The following GALNT13 variants were observed in gnomAD, a reference collection of about 807,000 sequenced individuals.
GALNT13 encodes UDP-GalNAc:polypeptide N-acetylgalactosaminyltransferase 13.
A neutral mutation model predicts 64.2 loss-of-function variants in GALNT13; 28 were observed. That is an observed-to-expected ratio of 0.44 (90% confidence interval 0.32 to 0.60). The LOEUF (loss-of-function observed/expected upper bound fraction) is 0.60, where lower values mean the gene tolerates loss of function less well. Ranked by LOEUF, GALNT13 falls within the 20% of genes least tolerant of loss-of-function variation. GALNT13 has a pLI of 0.05. For missense variants in GALNT13, 577 were observed against 669.8 expected (o/e 0.86, Z 1.53); for synonymous variants, 214 against 224.6 (o/e 0.95, Z 0.42).
chr2:154,372,463 A>G (rs890312006), intron 9 of GALNT13, among the ~76,000 whole-genome samples: 1 of 152,104 alleles, frequency 6.6e-6, no homozygotes, highest in South Asian at 2.1e-4. Flanking sequence ...TCAGATATCT[A>G]TGTACAAATG....
chr2:153,573,529 T>C, the GALNT13 span, among the ~76,000 whole-genome samples: 2 of 151,998 alleles, frequency 1.3e-5, no homozygotes, highest in African/African-American at 4.8e-5. Context: ...TTTCTTCCTG[T>C]CATTCATTAA....
At chr2:154,100,940 T>A (rs868486906) in intron 3 of GALNT13, among the ~76,000 whole-genome samples, 5 of 152,112 alleles carry the variant, frequency 3.3e-5, no homozygotes, top group Non-Finnish European at 7.4e-5. Context: ...ATCAAGTGAT[T>A]TTTTTTATAT....
chr2:153,289,795 A>C, the GALNT13 span, among the ~76,000 whole-genome samples: 1 of 152,166 alleles, frequency 6.6e-6, no homozygotes, highest in South Asian at 2.1e-4. Context: ...CTGGGGTCCA[A>C]CTTAGCACCA....
the GALNT13 span, among the ~76,000 whole-genome samples, chr2:153,206,865 C>T: frequency 2.0e-5 from 3 of 152,020 alleles, no homozygotes; most frequent in Non-Finnish European, 4.4e-5. Flanking sequence ...GTCAATAGTT[C>T]AGTGAACCCC....
At chr2:153,222,345 T>TGGGGGGGGGG in the GALNT13 span, among the ~76,000 whole-genome samples, 4 of 23,204 alleles carry the variant, frequency 1.7e-4, no homozygotes, top group East Asian at 2.5e-3. Context: ...GGGGGGGGGT[T>TGGGGGGGGGG]GGGCTTATAG....
intron 8 of GALNT13, among the ~76,000 whole-genome samples, chr2:154,261,285 G>T (rs917714438): frequency 2.6e-5 from 4 of 152,084 alleles, no homozygotes; most frequent in African/African-American, 9.7e-5. Flanking sequence ...ACTTATCAGT[G>T]ACTATTTTAA....
At chr2:154,341,431 T>A (rs1328708874) in intron 9 of GALNT13, among the ~76,000 whole-genome samples, 2 of 152,056 alleles carry the variant, frequency 1.3e-5, no homozygotes, top group Non-Finnish European at 2.9e-5. Context: ...TGGAATGCAG[T>A]GTTAAAAGAT....
chr2:154,004,443 A>G (rs1464380962), intron 3 of GALNT13, among the ~76,000 whole-genome samples: 1 of 152,100 alleles, frequency 6.6e-6, no homozygotes, highest in Non-Finnish European at 1.5e-5. Flanking sequence ...TGACCTCATG[A>G]TCTGCCTGCT....
chr2:153,208,348 G>T, the GALNT13 span, among the ~76,000 whole-genome samples: 1 of 152,110 alleles, frequency 6.6e-6, no homozygotes, highest in African/African-American at 2.4e-5. Context: ...ATCTTTGTAC[G>T]TATAGTTTTG....
chr2:154,042,893 G>T (rs535962453), intron 3 of GALNT13, among the ~76,000 whole-genome samples: 2 of 151,866 alleles, frequency 1.3e-5, no homozygotes, highest in South Asian at 4.2e-4. Flanking sequence ...TTAGTCTGGC[G>T]GGAAGGCATT....
the GALNT13 span, among the ~76,000 whole-genome samples, chr2:153,248,483 G>T: frequency 6.9e-6 from 1 of 144,930 alleles, no homozygotes; most frequent in Non-Finnish European, 1.5e-5. Context: ...TTTAATAGAT[G>T]CAGAAAAGGC....
chr2:153,073,233 G>A, the GALNT13 span, among the ~76,000 whole-genome samples: 104 of 152,150 alleles, frequency 6.8e-4, 1 homozygote, highest in African/African-American at 2.4e-3. Context: ...AGGTTCTCAA[G>A]GAGTGGGTTG....
the GALNT13 span, among the ~76,000 whole-genome samples, chr2:153,801,956 A>G: frequency 6.6e-6 from 1 of 152,076 alleles, no homozygotes; most frequent in African/African-American, 2.4e-5. Context: ...TCCACTCTCT[A>G]AGTTTCTCAT....
the GALNT13 span, among the ~76,000 whole-genome samples, chr2:153,074,740 TATTG>T: frequency 6.6e-6 from 1 of 152,170 alleles, no homozygotes; most frequent in African/African-American, 2.4e-5. Context: ...TAATAGTGAT[TATTG>T]ATTATTATTT....
At chr2:153,808,478 A>G in the GALNT13 span, among the ~76,000 whole-genome samples, 1 of 151,942 alleles carries the variant, frequency 6.6e-6, no homozygotes, top group East Asian at 1.9e-4. Context: ...TTTTGCTGTC[A>G]TCTAATCTCC....
intron 9 of GALNT13, 52 bp downstream of exon 9, chr2:154,301,641 C>A: frequency 1.7e-6 from 2 of 1,175,304 alleles, no homozygotes; most frequent in South Asian, 1.4e-5. Context: ...AAAATTGAAA[C>A]ATACTGAATA....
the GALNT13 span, among the ~76,000 whole-genome samples, chr2:153,210,105 A>G: frequency 6.6e-6 from 1 of 152,114 alleles, no homozygotes; most frequent in South Asian, 2.1e-4. Context: ...TTCTATGTAG[A>G]TGATTATGCC....
the GALNT13 span, among the ~76,000 whole-genome samples, chr2:153,313,473 A>G: frequency 6.6e-6 from 1 of 151,978 alleles, no homozygotes; most frequent in Non-Finnish European, 1.5e-5. Flanking sequence ...ACATGTTCTC[A>G]CTTATAAGGG....
At chr2:153,421,139 AC>A in the GALNT13 span, 1 of 253,624 alleles carries the variant, frequency 3.9e-6, no homozygotes, top group Admixed American at 4.4e-5. Flanking sequence ...CAAAGTGAGC[AC>A]TGGTGACCTC....
Sources: allele counts gnomAD v4.1 joint callset (sites outside exome capture counted in the v4.1 genomes callset), GRCh38; gene constraint gnomAD v4.1.1; transcripts MANE v1.5; gene names NCBI Gene and HGNC (gene_info 2026-07-23, HGNC 2026-07-21).